PIN4: variants seen among roughly 807,000 people sequenced by gnomAD.
PIN4 encodes the protein peptidyl-prolyl cis-trans isomerase NIMA-interacting 4.
A neutral mutation model predicts 8.3 loss-of-function variants in PIN4; 3 were observed. The observed-to-expected ratio is 0.36, with a 90% CI of 0.16 to 0.93. The LOEUF (loss-of-function observed/expected upper bound fraction) is 0.93. PIN4 is among the 40% of genes least tolerant of loss of function. PIN4 has a pLI of 0.44. For synonymous variants in PIN4, 18 were observed against 32.5 expected, an observed-to-expected ratio of 0.55 and a Z score of 1.52; for missense variants, 75 against 100.6, an observed-to-expected ratio of 0.75 and a Z score of 1.09.
At chrX:72,192,646 T>C (rs1431639025) in intron 2 of PIN4, among the ~76,000 whole-genome samples, 1 of 111,414 alleles carries the variant, frequency 9.0e-6, no homozygotes, top group African/African-American at 3.3e-5. Context: ...GTGCATGACA[T>C]GCAGTGGCAT....
intron 3 of PIN4, among the ~76,000 whole-genome samples, chrX:72,251,853 C>T (rs1048035330): frequency 3.2e-4 from 35 of 110,461 alleles, no homozygotes; most frequent in African/African-American, 1.2e-3. Context: ...CACTTGAGTC[C>T]GGGAGTTCGG....
At chrX:72,258,018 G>C (rs1298472655) in intron 3 of PIN4, among the ~76,000 whole-genome samples, 2 of 111,325 alleles carry the variant, frequency 1.8e-5, no homozygotes, top group Non-Finnish European at 3.8e-5. Flanking sequence ...GCAGAAAAGA[G>C]GTGCATGGGG....
chrX:72,254,494 T>G (rs2043101177), intron 3 of PIN4, among the ~76,000 whole-genome samples: 1 of 112,560 alleles, frequency 8.9e-6, no homozygotes, highest in South Asian at 3.6e-4. Flanking sequence ...ATGTCTGTAT[T>G]TTCAAAAGCC....
At chrX:72,198,918 T>G (rs1413945027), downstream of PIN4, 4 of 110,807 alleles carry the variant, frequency 3.6e-5, 1 homozygote. Flanking sequence ...ACCAGCAGGT[T>G]GCCTAAAAAG....
Position 72,242,683 on chromosome X carries a change from C to T in PIN4, c.313-20024C>T, listed in dbSNP as rs754257003. Among the ~76,000 whole-genome samples the T allele has an allele frequency of 2.7e-5, 3 of 112,660 alleles. No homozygotes were observed. The East Asian group carries it at 8.3e-4, about 31-fold the overall frequency. ...ATTATGCATCTACCCCAATCAAGGGCTCCCATTCCCCCAGCGTCTCTCAAG... is the reference window on the plus strand; with the variant it reads ...ATTATGCATCTACCCCAATCAAGGGTTCCCATTCCCCCAGCGTCTCTCAAG... On this transcript the variant is annotated intron_variant, in intron 3 of 3. Coordinates refer to the PIN4 transcript ENST00000423432.
intron 3 of PIN4, among the ~76,000 whole-genome samples, chrX:72,255,273 A>AAGTAATAATAATAATAATAAT (rs1556407611): frequency 5.2e-5 from 5 of 96,399 alleles, no homozygotes; most frequent in African/African-American, 2.0e-4. Context: ...CCATCTCTAA[A>AAGTAATAATAATAATAATAAT]AATAATAATA....
rs775451608 is a variant in PIN4 at position 72,182,943 on chromosome X, A to G, written c.43+1115A>G. ...ATTCTGCTAAGAAGGACAGTTAAGG[A>G]TCAGAAAGACCTGTAAGGAGATTGT... On this transcript the variant is annotated intron_variant, in intron 1 of 3. Transcript: ENST00000373669. 2.7e-5 allele frequency among the ~76,000 whole-genome samples: 3 copies of G among 112,151 alleles called. No homozygotes were observed. The South Asian group carries it at 1.1e-3, about 42-fold the overall frequency.
Position 72,239,595 on chromosome X carries a change from A to AC in PIN4, c.313-23108dup, listed in dbSNP as rs760572808. 3.5e-3 allele frequency among the ~76,000 whole-genome samples: 388 copies of AC among 110,051 alleles called. 2 individuals carry two copies. The highest frequency in any genetic ancestry group is 0.012 in the African/African-American group (368 of 30,256). ...AGACCAACCTGGCTAAAATGGTGACACCCCGTCTCTACTAAAAATACAAAA... is the reference window on the plus strand; with the variant it reads ...AGACCAACCTGGCTAAAATGGTGACACCCCCGTCTCTACTAAAAATACAAAA... On this transcript the variant is annotated intron_variant, in intron 3 of 3. Coordinates refer to the PIN4 transcript ENST00000423432.
intron 2 of PIN4, among the ~76,000 whole-genome samples, chrX:72,189,199 T>TA (rs1196315167): frequency 9.0e-6 from 1 of 111,200 alleles, no homozygotes; most frequent in Non-Finnish European, 1.9e-5. Context: ...AAAGAAATAA[T>TA]ACGTATTCCT....
intron 3 of PIN4, chrX:72,237,728 C>T (rs2043025666): frequency 9.0e-6 from 1 of 111,202 alleles, no homozygotes; most frequent in Non-Finnish European, 1.9e-5. Flanking sequence ...GAGATCGCGC[C>T]ACTGCACTCC....
exon 4 of PIN4, chrX:72,263,037 T>C (rs1160225905): frequency 6.7e-6 from 2 of 298,497 alleles, no homozygotes; most frequent in Non-Finnish European, 1.2e-5. Context: ...AATTTGTTCA[T>C]TTGTTCAGCA....
At chrX:72,221,508 T>C (rs779413747) in intron 3 of PIN4, among the ~76,000 whole-genome samples, 1 of 111,078 alleles carries the variant, frequency 9.0e-6, no homozygotes, top group East Asian at 2.9e-4. Context: ...CCAGTCCACA[T>C]GGGTGCCAAA....
intron 3 of PIN4, among the ~76,000 whole-genome samples, chrX:72,239,941 G>A (rs2043041666): frequency 9.2e-6 from 1 of 108,544 alleles, no homozygotes; most frequent in Admixed American, 9.9e-5. Context: ...CTTCTCCACA[G>A]GGCGTTATGC....
At chrX:72,203,520 T>C (rs758112834) in intron 3 of PIN4, among the ~76,000 whole-genome samples, 18 of 111,408 alleles carry the variant, frequency 1.6e-4, no homozygotes, top group African/African-American at 5.9e-4. Flanking sequence ...CTGGGTAGTG[T>C]CGAAACAGAA....
intron 2 of PIN4, among the ~76,000 whole-genome samples, chrX:72,189,423 T>C (rs1333894391): frequency 9.0e-6 from 1 of 111,573 alleles, no homozygotes; most frequent in East Asian, 2.8e-4. Flanking sequence ...AACTTTATAA[T>C]GTCAAGAATG....
In PIN4 at chrX:72,250,550, G is replaced by A. The variant is rs139784320; in HGVS notation, c.313-12157G>A. 5.6e-3 allele frequency among the ~76,000 whole-genome samples: 623 copies of A among 110,696 alleles called. 9 individuals carry two copies. Among genetic ancestry groups the A allele is most frequent in the African/African-American group, 0.02 (594 of 30,396 alleles). ...AGGATATTTTTCCCAATCTTTTGCT[G>A]TTAAAAACATAGTGAGAGCTAGGCA... On this transcript the variant is annotated intron_variant, in intron 3 of 3. Transcript: ENST00000423432.
chrX:72,245,415 C>T (rs2043064400), intron 3 of PIN4, among the ~76,000 whole-genome samples: 1 of 111,676 alleles, frequency 9.0e-6, no homozygotes, highest in Non-Finnish European at 1.9e-5. Context: ...AGCGATCCTC[C>T]CGCCTCAGCC....
intron 3 of PIN4, chrX:72,207,180 G>A: frequency 8.3e-7 from 1 of 1,211,204 alleles, no homozygotes; most frequent in Non-Finnish European, 1.1e-6. Flanking sequence ...GAAAAACAGA[G>A]TAATCTTTAT....
intron 2 of PIN4, among the ~76,000 whole-genome samples, chrX:72,189,096 T>C (rs1278667589): frequency 7.7e-4 from 85 of 110,729 alleles, no homozygotes; most frequent in African/African-American, 2.7e-3. Context: ...GCCCAGGAGT[T>C]TGAGGCGGCA....
Sources: allele counts gnomAD v4.1 joint callset (sites outside exome capture counted in the v4.1 genomes callset), GRCh38; gene constraint gnomAD v4.1.1; transcripts MANE v1.5; gene names NCBI Gene and HGNC (gene_info 2026-07-23, HGNC 2026-07-21).